HTR3B: variants seen among roughly 807,000 people sequenced by gnomAD.
HTR3B encodes 5-hydroxytryptamine receptor 3B.
HTR3B carries 44 observed loss-of-function variants against 42.8 expected under a neutral mutation model. The observed-to-expected ratio is 1.03, with a 90% CI of 0.81 to 1.32. HTR3B has a LOEUF of 1.32. Among genes scored for constraint, HTR3B ranks in the 40% most tolerant of loss-of-function variants. The pLI is 0.00. For missense variants in HTR3B, 527 were observed against 536.5 expected (o/e 0.98, Z 0.17); for synonymous variants, 203 against 209.0 (o/e 0.97, Z 0.25).
chr11:113,935,601 TA>T (rs1950085173), intron 6 of HTR3B, among the ~76,000 whole-genome samples: 1 of 152,212 alleles, frequency 6.6e-6, no homozygotes, highest in South Asian at 2.1e-4. Flanking sequence ...GCACAGAGCC[TA>T]GGCTCATTCT....
At chr11:113,912,525 G>A (rs970073753) in intron 2 of HTR3B, among the ~76,000 whole-genome samples, 1 of 152,228 alleles carries the variant, frequency 6.6e-6, no homozygotes, top group African/African-American at 2.4e-5. Flanking sequence ...TTACAGGCGT[G>A]AGCCACCGTG....
upstream of HTR3B, chr11:113,904,728 C>A (rs148581308): frequency 1.9e-3 from 961 of 515,910 alleles, 2 homozygotes; most frequent in Non-Finnish European, 1.7e-3. Context: ...GATTTCATGA[C>A]GGCATCAATT....
intron 2 of HTR3B, among the ~76,000 whole-genome samples, chr11:113,925,787 ACTT>A: frequency 6.6e-6 from 1 of 152,312 alleles, no homozygotes; most frequent in South Asian, 2.1e-4. Flanking sequence ...TATGCATCAG[ACTT>A]CTTATAAATT....
chr11:113,900,625 C>G (rs1422710952), upstream of HTR3B, among the ~76,000 whole-genome samples: 1 of 152,128 alleles, frequency 6.6e-6, no homozygotes, highest in African/African-American at 2.4e-5. Context: ...TCCTGAGTAG[C>G]TGGGATAACA....
chr11:113,900,055 T>C (rs1949687083), upstream of HTR3B, among the ~76,000 whole-genome samples: 1 of 152,096 alleles, frequency 6.6e-6, no homozygotes. Flanking sequence ...TCACCTGAGG[T>C]CAGGAGTTCG....
At chr11:113,925,417 G>GTTTTT (rs201996305) in intron 2 of HTR3B, among the ~76,000 whole-genome samples, 25 of 100,734 alleles carry the variant, frequency 2.5e-4, no homozygotes, top group African/African-American at 4.9e-4. Flanking sequence ...TTACGAATTT[G>GTTTTT]TTTTTTTTTT....
Position 113,932,400 on chromosome 11 carries a change from T to A in HTR3B, c.480T>A (p.Tyr160Ter), listed in dbSNP as rs564311899. ...QVVSACSLETYAFPFDVQNCS... is the reference protein window; with the variant it reads ...QVVSACSLET ...TCTCTGCGTGCAGTTTAGAGACATA[T>A]GCTTTTCCATTTGATGTCCAGAATT... Residue 160 changes from tyrosine (Y) to a stop codon, truncating the protein, a stop_gained, in exon 5 of 9, where the codon TAT becomes TAA. Coordinates refer to ENST00000260191, the MANE Select transcript of HTR3B (RefSeq NM_006028.5). LOFTEE classifies it high-confidence loss of function. 29 of 1,614,064 alleles carry A rather than the reference T, an allele frequency of 1.8e-5. No individual in the cohort carries two copies. The Admixed American group carries it at 4.5e-4, about 25-fold the overall frequency.
chr11:113,910,402 T>A (rs1209184125), intron 2 of HTR3B, among the ~76,000 whole-genome samples: 3 of 152,066 alleles, frequency 2.0e-5, no homozygotes, highest in African/African-American at 7.2e-5. Flanking sequence ...TACAAAGTCT[T>A]TGATTTCAAT....
intron 6 of HTR3B, among the ~76,000 whole-genome samples, chr11:113,942,320 C>T (rs1475434020): frequency 6.6e-6 from 1 of 152,038 alleles, no homozygotes; most frequent in Non-Finnish European, 1.5e-5. Context: ...AAAAATAAGC[C>T]GGGCATGGTG....
At chr11:113,935,102 C>G (rs1288033690) in intron 6 of HTR3B, among the ~76,000 whole-genome samples, 2 of 124,588 alleles carry the variant, frequency 1.6e-5, no homozygotes, top group Non-Finnish European at 3.8e-5. Context: ...TTTGTAGTTA[C>G]ATGTCACTTT....
chr11:113,907,756 G>T (rs955130345), intron 1 of HTR3B, among the ~76,000 whole-genome samples: 1 of 152,124 alleles, frequency 6.6e-6, no homozygotes, highest in East Asian at 1.9e-4. Flanking sequence ...TGCTGTCTCG[G>T]GTAATTTCCT....
At chr11:113,921,745 A>C (rs776731629) in intron 2 of HTR3B, among the ~76,000 whole-genome samples, 20 of 152,138 alleles carry the variant, frequency 1.3e-4, no homozygotes, top group Admixed American at 2.0e-4. Flanking sequence ...ATATTTTTCT[A>C]ACTCTTTCTT....
At chr11:113,915,799 A>G (rs930565427) in intron 2 of HTR3B, among the ~76,000 whole-genome samples, 31 of 152,252 alleles carry the variant, frequency 2.0e-4, no homozygotes, top group Non-Finnish European at 3.4e-4. Flanking sequence ...TGAGAGCTTC[A>G]GTTTCTCCAC....
chr11:113,906,880 G>C (rs559343058), intron 1 of HTR3B, among the ~76,000 whole-genome samples: 11 of 152,246 alleles, frequency 7.2e-5, no homozygotes, highest in Non-Finnish European at 1.5e-4. Context: ...ACTTAGCCTG[G>C]TGCCTGGCAT....
intron 8 of HTR3B, among the ~76,000 whole-genome samples, chr11:113,945,361 C>A (rs867722961): frequency 6.6e-5 from 10 of 152,312 alleles, no homozygotes; most frequent in Middle Eastern, 6.8e-3. Context: ...TCTCGAACTC[C>A]TGACCTCAGG....
At chr11:113,915,541 G>A (rs1382228600) in intron 2 of HTR3B, among the ~76,000 whole-genome samples, 1 of 152,172 alleles carries the variant, frequency 6.6e-6, no homozygotes, top group Non-Finnish European at 1.5e-5. Flanking sequence ...CTCAGTAGTA[G>A]TATTTTATTG....
At chr11:113,905,332 TTATGTGTGGATAA>T (rs1473147089) in intron 1 of HTR3B, among the ~76,000 whole-genome samples, 1 of 152,224 alleles carries the variant, frequency 6.6e-6, no homozygotes, top group East Asian at 1.9e-4. Context: ...AAATTTGCTT[TTATGTGTGGATAA>T]TATGTTTTTA....
intron 2 of HTR3B, among the ~76,000 whole-genome samples, chr11:113,921,304 C>T (rs1055422119): frequency 1.3e-5 from 2 of 151,598 alleles, no homozygotes; most frequent in East Asian, 1.9e-4. Context: ...CACCACCACG[C>T]CTGGCTAATT....
intron 1 of HTR3B, among the ~76,000 whole-genome samples, chr11:113,907,543 A>G (rs2137482658): frequency 6.6e-6 from 1 of 152,022 alleles, no homozygotes; most frequent in African/African-American, 2.4e-5. Flanking sequence ...TTCTCCTTTC[A>G]GTGCTTGATT....
Sources: gnomAD v4.1 joint callset for allele counts (sites outside exome capture counted in the v4.1 genomes callset) on GRCh38, gnomAD v4.1.1 for gene constraint, MANE v1.5 for transcripts, NCBI Gene and HGNC (gene_info 2026-07-23, HGNC 2026-07-21) for gene names.